The following TMEM178B variants were observed in gnomAD, a reference collection of about 807,000 sequenced individuals.
The protein encoded by TMEM178B is transmembrane protein 178B.
TMEM178B carries 5 observed loss-of-function variants against 31.0 expected under a neutral mutation model. The ratio of observed to expected loss-of-function variants is 0.16; its 90% CI spans 0.08 to 0.34. The LOEUF (loss-of-function observed/expected upper bound fraction) is 0.34, where lower values mean the gene tolerates loss of function less well. Ranked by LOEUF, TMEM178B falls within the 10% of genes least tolerant of loss-of-function variation. The pLI is 1.00. For synonymous variants in TMEM178B, 164 were observed against 164.0 expected (o/e 1.00, Z 0.00); for missense variants, 275 against 400.3 (o/e 0.69, Z 2.67).
chr7:141,400,060 TC>T (rs1477905624), intron 2 of TMEM178B, among the ~76,000 whole-genome samples: 5 of 152,186 alleles, frequency 3.3e-5, no homozygotes, highest in African/African-American at 7.2e-5. Flanking sequence ...ATATTTGATC[TC>T]CAGGAGCCCA....
At chr7:141,465,859 C>CA (rs1802140440) in intron 3 of TMEM178B, among the ~76,000 whole-genome samples, 1 of 151,976 alleles carries the variant, frequency 6.6e-6, no homozygotes, top group Non-Finnish European at 1.5e-5. Flanking sequence ...CCTGTCTCTA[C>CA]AAAAAATTTA....
At chr7:141,206,015 G>A (rs1354140522) in intron 1 of TMEM178B, among the ~76,000 whole-genome samples, 1 of 152,208 alleles carries the variant, frequency 6.6e-6, no homozygotes, top group African/African-American at 2.4e-5. Context: ...ACATAGATCT[G>A]TGTTTATAGC....
chr7:141,323,302 A>G (rs541771258), intron 2 of TMEM178B, among the ~76,000 whole-genome samples: 192 of 152,312 alleles, frequency 1.3e-3, no homozygotes, highest in African/African-American at 4.2e-3. Context: ...TCTCTTCTCT[A>G]TCATCTGGGT....
chr7:141,122,761 CTTCT>C (rs1795430165), intron 1 of TMEM178B, among the ~76,000 whole-genome samples: 1 of 152,068 alleles, frequency 6.6e-6, no homozygotes, highest in African/African-American at 2.4e-5. Flanking sequence ...TATTATTTTT[CTTCT>C]TTCTTTCCCA....
At chr7:141,419,233 C>T (rs1009682887) in intron 2 of TMEM178B, among the ~76,000 whole-genome samples, 3 of 151,866 alleles carry the variant, frequency 2.0e-5, no homozygotes, top group African/African-American at 7.3e-5. Context: ...CCATCATGCC[C>T]CTCCAAAAAA....
intron 2 of TMEM178B, among the ~76,000 whole-genome samples, chr7:141,346,403 G>A (rs985012386): frequency 2.0e-5 from 3 of 152,134 alleles, no homozygotes; most frequent in African/African-American, 7.2e-5. Context: ...GTTATCACCA[G>A]ACTTCCTTCT....
At chr7:141,253,060 T>C (rs1797861263) in intron 2 of TMEM178B, among the ~76,000 whole-genome samples, 2 of 152,232 alleles carry the variant, frequency 1.3e-5, no homozygotes. Context: ...CCTCCTCCAG[T>C]TCTGTGGTGC....
rs534509172 is a variant in TMEM178B at position 141,375,819 on chromosome 7, G to T, written c.497-61789G>T. ...TCACTTACAAGGGGAGATCATTTTT[G>T]GGGAAAAGGCCAGCCTCTTAGACAT... On this transcript the variant is annotated intron_variant, in intron 2 of 3. Transcript: ENST00000565468. 2.0e-5 allele frequency among the ~76,000 whole-genome samples: 3 copies of T among 152,262 alleles called. No homozygotes were observed. The East Asian group carries it at 5.8e-4, about 29-fold the overall frequency.
the TMEM178B span, among the ~76,000 whole-genome samples, chr7:141,492,014 G>T: frequency 6.6e-6 from 1 of 152,080 alleles, no homozygotes; most frequent in Non-Finnish European, 1.5e-5. Context: ...CCACTCAATG[G>T]CCTGCTGTTG....
chr7:141,359,820 G>A (rs1357691208), intron 2 of TMEM178B, among the ~76,000 whole-genome samples: 1 of 152,208 alleles, frequency 6.6e-6, no homozygotes, highest in Non-Finnish European at 1.5e-5. Context: ...AAGAAAAAGA[G>A]GTTTAATGGA....
chr7:141,215,827 TTTCTTTC>T (rs751486988), intron 2 of TMEM178B, among the ~76,000 whole-genome samples: 9,995 of 67,026 alleles, frequency 0.15, 520 homozygotes, highest in Middle Eastern at 0.24. Context: ...TCTTTCTTTC[TTTCTTTC>T]TTTCTTTTCT....
chr7:141,077,886 C>T (rs991025860), intron 1 of TMEM178B, among the ~76,000 whole-genome samples: 4 of 152,182 alleles, frequency 2.6e-5, no homozygotes, highest in African/African-American at 4.8e-5. Context: ...ATTTCTTGAG[C>T]TTTGCCAAAG....
intron 1 of TMEM178B, among the ~76,000 whole-genome samples, chr7:141,157,441 A>G (rs994620574): frequency 2.0e-5 from 3 of 151,256 alleles, no homozygotes; most frequent in Non-Finnish European, 2.9e-5. Context: ...ACACACACAC[A>G]CGCACACACA....
At chr7:141,101,319 C>T (rs559032803) in intron 1 of TMEM178B, among the ~76,000 whole-genome samples, 9 of 152,226 alleles carry the variant, frequency 5.9e-5, no homozygotes, top group Middle Eastern at 6.8e-3. Flanking sequence ...TCTGTTTTTC[C>T]CTTTAACCTT....
Position 141,395,912 on chromosome 7 carries a change from T to C in TMEM178B, c.497-41696T>C, listed in dbSNP as rs534545389. On this transcript the variant is annotated intron_variant, in intron 2 of 3. Coordinates refer to ENST00000565468, the MANE Select transcript of TMEM178B (RefSeq NM_001195278.2). The stretch of plus-strand genomic sequence containing the variant: ...AATGCCATGATTATACAGCGTTGCT[T>C]CATATTCAGGAGGAGAGGGAGGGGG... 2.6e-5 allele frequency among the ~76,000 whole-genome samples: 4 copies of C among 152,234 alleles called. No individual in the cohort carries two copies. The South Asian group carries it at 8.3e-4, about 32-fold the overall frequency.
intron 1 of TMEM178B, among the ~76,000 whole-genome samples, chr7:141,121,123 C>T (rs1005954699): frequency 6.6e-6 from 1 of 152,034 alleles, no homozygotes; most frequent in South Asian, 2.1e-4. Context: ...TACTGTATCA[C>T]TATTTTTGGT....
At chr7:141,143,718 T>C (rs1795810179) in intron 1 of TMEM178B, among the ~76,000 whole-genome samples, 1 of 152,222 alleles carries the variant, frequency 6.6e-6, no homozygotes, top group Non-Finnish European at 1.5e-5. Context: ...TGGGTCCATA[T>C]AAATGTTATA....
intron 2 of TMEM178B, among the ~76,000 whole-genome samples, chr7:141,431,548 G>C (rs2116670310): frequency 6.6e-6 from 1 of 152,246 alleles, no homozygotes; most frequent in Non-Finnish European, 1.5e-5. Flanking sequence ...AAATTAGAAT[G>C]TTAAACATTA....
At chr7:141,088,431 G>C (rs1420545539) in intron 1 of TMEM178B, among the ~76,000 whole-genome samples, 1 of 152,078 alleles carries the variant, frequency 6.6e-6, no homozygotes, top group Non-Finnish European at 1.5e-5. Flanking sequence ...TTCTTTGCCA[G>C]TTTTTCTTCC....
Sources: allele counts gnomAD v4.1 joint callset (sites outside exome capture counted in the v4.1 genomes callset), GRCh38; gene constraint gnomAD v4.1.1; transcripts MANE v1.5; gene names NCBI Gene and HGNC (gene_info 2026-07-23, HGNC 2026-07-21).